The following SLAIN2 variants were observed in gnomAD, a reference collection of about 807,000 sequenced individuals.
The protein encoded by SLAIN2 is SLAIN family member 2.
A neutral mutation model predicts 56.6 loss-of-function variants in SLAIN2; 31 were observed. That is an observed-to-expected ratio of 0.55 (90% CI 0.41 to 0.74). The LOEUF is 0.74. SLAIN2 is among the 30% of genes least tolerant of loss of function. The pLI is 0.00. For synonymous variants in SLAIN2, 317 were observed against 284.9 expected, an observed-to-expected ratio of 1.11 and a Z score of -1.13; for missense variants, 777 against 754.2, an observed-to-expected ratio of 1.03 and a Z score of -0.35.
At chr4:48,372,901 T>A (rs1365020522) in intron 2 of SLAIN2, among the ~76,000 whole-genome samples, 3 of 152,178 alleles carry the variant, frequency 2.0e-5, no homozygotes, top group African/African-American at 7.2e-5. Flanking sequence ...TTTTTTTAAA[T>A]ACACTTTTTT....
rs370724364 is a variant in SLAIN2, at chr4:48,381,693, T to TATC, written c.863-875_863-874insATC. ...TCATCCACTGGTTTGATGAACCGTG[T>TATC]TGATAGCACTTTCTGTGTGTGAATA... is the stretch of plus-strand genomic sequence containing the variant. On this transcript the variant is annotated intron_variant, in intron 4 of 7. Coordinates refer to ENST00000264313, the MANE Select transcript of SLAIN2 (RefSeq NM_020846.2). Among the ~76,000 whole-genome samples, 250 of 152,338 alleles carry TATC rather than the reference T, an allele frequency of 1.6e-3. 2 individuals are homozygous for TATC. Among genetic ancestry groups the TATC allele is most frequent in the African/African-American group, 5.3e-3 (222 of 41,584 alleles).
intron 1 of SLAIN2, among the ~76,000 whole-genome samples, chr4:48,360,992 C>G (rs182714371): frequency 6.6e-6 from 1 of 152,272 alleles, no homozygotes; most frequent in Admixed American, 6.5e-5. Flanking sequence ...TCAAAAAATT[C>G]AAACAGGACA....
chr4:48,367,505 G>C (rs1251058734), intron 1 of SLAIN2, among the ~76,000 whole-genome samples: 1 of 152,172 alleles, frequency 6.6e-6, no homozygotes, highest in Admixed American at 6.5e-5. Context: ...GGCTCAGCAA[G>C]TCTTGGTGAC....
chr4:48,353,901 A>G (rs1225883814), intron 1 of SLAIN2, among the ~76,000 whole-genome samples: 1 of 152,200 alleles, frequency 6.6e-6, no homozygotes, highest in Non-Finnish European at 1.5e-5. Context: ...TAGTGAATCA[A>G]TAGGATATGT....
chr4:48,373,488 A>G (rs1012516628), intron 2 of SLAIN2, among the ~76,000 whole-genome samples: 4 of 152,086 alleles, frequency 2.6e-5, no homozygotes, highest in African/African-American at 7.2e-5. Flanking sequence ...TATTCAAATA[A>G]TTTTTAATGC....
chr4:48,352,603 A>G (rs140953651), intron 1 of SLAIN2, among the ~76,000 whole-genome samples: 4 of 152,318 alleles, frequency 2.6e-5, no homozygotes, highest in East Asian at 1.9e-4. Context: ...TCCCTGGCCA[A>G]TCAAAAATGT....
At chr4:48,347,836 G>A (rs760851476) in intron 1 of SLAIN2, among the ~76,000 whole-genome samples, 7 of 152,146 alleles carry the variant, frequency 4.6e-5, no homozygotes, top group Non-Finnish European at 1.0e-4. Context: ...GACCACTCTA[G>A]GTAGCTTGTG....
chr4:48,367,369 C>T (rs1344121775), intron 1 of SLAIN2, among the ~76,000 whole-genome samples: 2 of 152,174 alleles, frequency 1.3e-5, no homozygotes, highest in African/African-American at 4.8e-5. Context: ...CATTGTCTCC[C>T]TTTTCATCAC....
intron 6 of SLAIN2, among the ~76,000 whole-genome samples, chr4:48,402,805 C>T (rs190479447): frequency 2.8e-4 from 42 of 152,282 alleles, no homozygotes; most frequent in South Asian, 1.0e-3. Flanking sequence ...CAAATTCTGG[C>T]TTTTTGAGTT....
intron 4 of SLAIN2, 146 bp downstream of exon 4, chr4:48,379,994 A>G: frequency 2.7e-6 from 2 of 745,074 alleles, no homozygotes; most frequent in East Asian, 3.0e-5. Flanking sequence ...TAGTCAACAT[A>G]TGTACATGTT....
At chr4:48,365,665 A>G (rs898777951) in intron 1 of SLAIN2, among the ~76,000 whole-genome samples, 14 of 151,790 alleles carry the variant, frequency 9.2e-5, no homozygotes, top group African/African-American at 2.9e-4. Context: ...GGTTCAAACA[A>G]TTCTGCCTGC....
chr4:48,347,939 A>AT lies in SLAIN2; in HGVS notation c.389+5815dup, dbSNP rs200315511. Among the ~76,000 whole-genome samples, 76 of 152,306 alleles carry AT rather than the reference A, an allele frequency of 5.0e-4. No individual in the cohort carries two copies. The East Asian group carries it at 0.013, about 27-fold the overall frequency. ...GTACATCCATGTGGTAGAATGTGTCATTTTATCCCCATTTTACAGCAAAAG... is the reference window on the plus strand; with the variant it reads ...GTACATCCATGTGGTAGAATGTGTCATTTTTATCCCCATTTTACAGCAAAAG... On this transcript the variant is annotated intron_variant, in intron 1 of 7. Coordinates refer to ENST00000264313, the MANE Select transcript of SLAIN2 (RefSeq NM_020846.2).
chr4:48,382,792 C>T lies in SLAIN2; in HGVS notation c.1087C>T (p.Arg363Cys). 1 of 1,613,772 alleles carries T rather than the reference C, an allele frequency of 6.2e-7. No homozygotes were observed. Among genetic ancestry groups the T allele is most frequent in the Non-Finnish European group, 8.5e-7 (1 of 1,179,838 alleles). ...SPKQSPRNSPRSRSPARGIEY... is the reference protein window; with the variant it reads ...SPKQSPRNSPCSRSPARGIEY... The stretch of plus-strand genomic sequence containing the variant: ...TAAGCAGTCACCCAGAAATTCACCT[C>T]GTTCACGATCTCCTGCTCGGGGAAT... Residue 363 changes from arginine to cysteine, a missense_variant, in exon 5 of 8, where the codon CGT becomes TGT. Transcript: ENST00000264313.
At chr4:48,365,843 G>A (rs1301416484) in intron 1 of SLAIN2, among the ~76,000 whole-genome samples, 5 of 152,152 alleles carry the variant, frequency 3.3e-5, no homozygotes, top group South Asian at 2.1e-4. Context: ...GATTACAGGC[G>A]TGAGCCACCG....
intron 2 of SLAIN2, among the ~76,000 whole-genome samples, chr4:48,372,125 T>C (rs116268628): frequency 1.3e-5 from 2 of 151,854 alleles, no homozygotes; most frequent in African/African-American, 4.8e-5. Flanking sequence ...AGAAATAATA[T>C]AATTTACAAT....
intron 6 of SLAIN2, among the ~76,000 whole-genome samples, chr4:48,398,836 T>C (rs1023178621): frequency 6.6e-6 from 1 of 152,190 alleles, no homozygotes; most frequent in African/African-American, 2.4e-5. Flanking sequence ...AGTTCTCCCT[T>C]CTGTTCCATT....
chr4:48,392,639 C>T (rs1716265581), intron 6 of SLAIN2, among the ~76,000 whole-genome samples: 3 of 152,050 alleles, frequency 2.0e-5, no homozygotes, highest in African/African-American at 2.4e-5. Context: ...AATGCTTTCC[C>T]CACATATCTA....
chr4:48,411,547 T>C (rs1243637252), intron 6 of SLAIN2, among the ~76,000 whole-genome samples: 5 of 152,144 alleles, frequency 3.3e-5, no homozygotes, highest in Admixed American at 2.0e-4. Context: ...TTATCTGGAC[T>C]TCATTTTCCT....
intron 1 of SLAIN2, among the ~76,000 whole-genome samples, chr4:48,346,114 G>A (rs561654277): frequency 1.3e-5 from 2 of 152,240 alleles, no homozygotes; most frequent in South Asian, 4.2e-4. Context: ...GATTTGTTTG[G>A]ACTTGTTCAT....
Sources: gnomAD v4.1 joint callset for allele counts (sites outside exome capture counted in the v4.1 genomes callset) on GRCh38, gnomAD v4.1.1 for gene constraint, MANE v1.5 for transcripts, NCBI Gene and HGNC (gene_info 2026-07-23, HGNC 2026-07-21) for gene names.